CNTNAP3B: variants seen among roughly 807,000 people sequenced by gnomAD.
The protein encoded by CNTNAP3B is contactin associated protein family member 3B, also known as contactin-associated protein-like 3B.
A neutral mutation model predicts 108.9 loss-of-function variants in CNTNAP3B; 25 were observed. That is an observed-to-expected ratio of 0.23 (90% CI 0.17 to 0.32). The LOEUF (loss-of-function observed/expected upper bound fraction) is 0.32. Among genes scored for constraint, CNTNAP3B ranks in the 10% least tolerant of loss-of-function variants. The pLI is 1.00. For synonymous variants in CNTNAP3B, 103 were observed against 473.4 expected, an observed-to-expected ratio of 0.22 and a Z score of 10.16; for missense variants, 252 against 1,210.4, an observed-to-expected ratio of 0.21 and a Z score of 11.75.
chr9:41,982,178 A>T (rs1280635429), intron 9 of CNTNAP3B, among the ~76,000 whole-genome samples: 2 of 80,560 alleles, frequency 2.5e-5, no homozygotes, highest in Admixed American at 2.9e-4. Flanking sequence ...TTCATGACAA[A>T]GACACCGAAA....
chr9:41,934,970 A>T (rs1325862800), intron 14 of CNTNAP3B, among the ~76,000 whole-genome samples: 4 of 152,262 alleles, frequency 2.6e-5, no homozygotes, highest in Admixed American at 2.6e-4. Flanking sequence ...TTACAGTTAC[A>T]TGTGTCATCA....
intron 2 of CNTNAP3B, among the ~76,000 whole-genome samples, chr9:42,079,324 T>C (rs1215907546): frequency 3.7e-5 from 5 of 134,498 alleles, no homozygotes; most frequent in African/African-American, 1.5e-4. Flanking sequence ...GCCAATGGGG[T>C]TTTCTCTACT....
chr9:41,965,714 G>C (rs1195770012), intron 10 of CNTNAP3B, among the ~76,000 whole-genome samples: 1 of 152,140 alleles, frequency 6.6e-6, no homozygotes, highest in South Asian at 2.1e-4. Context: ...ATGGGACCCA[G>C]AGAAGTAACA....
chr9:41,928,537 A>AT (rs1338452993), intron 15 of CNTNAP3B, among the ~76,000 whole-genome samples: 2 of 152,206 alleles, frequency 1.3e-5, no homozygotes, highest in Non-Finnish European at 2.9e-5. Context: ...GTATTAGGGG[A>AT]TGGAGACACC....
Position 41,935,276 on chromosome 9 carries a change from A to T in CNTNAP3B, c.2237+2968T>A, listed in dbSNP as rs1259736542. Among the ~76,000 whole-genome samples the T allele has an allele frequency of 1.8e-4, 27 of 152,160 alleles. No homozygotes were observed. In the East Asian group the frequency reaches 5.2e-3, roughly 29 times the overall value. ...TATGCTTAGACGAGTTGCTGATTAC[A>T]GGGACAACTTATGGAAAAATGGCGA... is the stretch of plus-strand genomic sequence containing the variant. On this transcript the variant is annotated intron_variant, in intron 14 of 23. Transcript: ENST00000377561.
Position 42,071,402 on chromosome 9 carries a change from C to T in CNTNAP3B, c.390+5467G>A, listed in dbSNP as rs1463032705. Among the ~76,000 whole-genome samples the T allele has an allele frequency of 5.8e-5, 8 of 138,458 alleles. 2 individuals are homozygous for T. Among genetic ancestry groups the T allele is most frequent in the African/African-American group, 2.3e-4 (8 of 34,800 alleles). 90.8% of individuals were successfully genotyped at this position (138,458 alleles called of 152,430 possible). ...AGTACAAAGGATGGATCTTGCTTGACATTTTTAAAGAGCAGCTAGAAGAAC... is the reference window on the plus strand; with the variant it reads ...AGTACAAAGGATGGATCTTGCTTGATATTTTTAAAGAGCAGCTAGAAGAAC... On this transcript the variant is annotated intron_variant, in intron 3 of 23. Transcript: ENST00000377561.
At chr9:41,961,935 A>C (rs1283751788) in intron 11 of CNTNAP3B, among the ~76,000 whole-genome samples, 2 of 152,308 alleles carry the variant, frequency 1.3e-5, no homozygotes, top group African/African-American at 4.8e-5. Flanking sequence ...TGATTTAAAT[A>C]GATACATATA....
In CNTNAP3B at chr9:42,046,730, G is replaced by A. The variant is rs1244922481; in HGVS notation, c.390+30139C>T. ...CACTAAAATTCTCCCAGAGTTAAAT[G>A]TTGTTTTTCCACTCTGGAAAAGGGA... On this transcript the variant is annotated intron_variant, in intron 3 of 23. Transcript: ENST00000377561. Among the ~76,000 whole-genome samples the A allele has an allele frequency of 5.2e-5, 5 of 96,556 alleles. 2 individuals carry two copies. The highest frequency in any genetic ancestry group is 1.9e-4 in the African/African-American group (5 of 25,856). The allele number at this position is 96,556 out of a possible 152,430, so 63.3% of individuals were successfully genotyped here.
intron 10 of CNTNAP3B, among the ~76,000 whole-genome samples, chr9:41,967,779 G>T (rs1199429655): frequency 1.3e-5 from 2 of 152,372 alleles, no homozygotes; most frequent in East Asian, 3.9e-4. Flanking sequence ...AGTCTTCTAC[G>T]TTACTGACTT....
chr9:42,066,164 G>A lies in CNTNAP3B; in HGVS notation c.390+10705C>T, dbSNP rs545636198. ...AGAGGATTAACATCTTTACATTACT[G>A]AGTCTTCATATCCATAAATGAGAAT... is the stretch of plus-strand genomic sequence containing the variant. On this transcript the variant is annotated intron_variant, in intron 3 of 23. Coordinates refer to ENST00000377561, the MANE Select transcript of CNTNAP3B (RefSeq NM_001201380.3). Among the ~76,000 whole-genome samples, 203 of 136,886 alleles carry A rather than the reference G, an allele frequency of 1.5e-3. 42 individuals are homozygous for A. The highest frequency in any genetic ancestry group is 5.7e-3 in the African/African-American group (197 of 34,480). The allele number at this position is 136,886 out of a possible 152,430, so 89.8% of individuals were successfully genotyped here.
At chr9:42,044,153 A>T (rs1159276033) in intron 3 of CNTNAP3B, among the ~76,000 whole-genome samples, 3 of 122,948 alleles carry the variant, frequency 2.4e-5, no homozygotes, top group Non-Finnish European at 5.1e-5. Flanking sequence ...TTCAATCAAC[A>T]ACGGCTCCAA....
chr9:42,111,694 A>G (rs1396944543), intron 1 of CNTNAP3B, among the ~76,000 whole-genome samples: 1 of 138,572 alleles, frequency 7.2e-6, no homozygotes, highest in Non-Finnish European at 1.5e-5. Flanking sequence ...AATACTCAAT[A>G]AGTACACTGT....
At chr9:41,926,116 G>A (rs1209059890) in intron 15 of CNTNAP3B, among the ~76,000 whole-genome samples, 1 of 152,268 alleles carries the variant, frequency 6.6e-6, no homozygotes, top group African/African-American at 2.4e-5. Context: ...ATGAGTTCAT[G>A]TGGATACCTC....
In CNTNAP3B at chr9:41,894,352, T is replaced by A. The variant is rs1259100907; in HGVS notation, c.3746-242A>T. Reference sequence around the variant, plus strand: ...TATGTTGCCCAGGCTGGTCTCGAACTCCTGGGCTAAAGTGATCCTCTCACC... The same window carrying A: ...TATGTTGCCCAGGCTGGTCTCGAACACCTGGGCTAAAGTGATCCTCTCACC... On this transcript the variant is annotated intron_variant, in intron 23 of 23. Transcript: ENST00000377561. 1.4e-3 allele frequency among the ~76,000 whole-genome samples: 140 copies of A among 100,528 alleles called. 2 individuals are homozygous for A. In the South Asian group the frequency reaches 0.036, roughly 26 times the overall value. 66.0% of individuals were successfully genotyped at this position (100,528 alleles called of 152,430 possible).
chr9:42,087,277 T>G (rs557103453), intron 2 of CNTNAP3B, among the ~76,000 whole-genome samples: 2,672 of 137,462 alleles, frequency 0.019, 210 homozygotes, highest in South Asian at 0.062. Flanking sequence ...GGAGAGACAG[T>G]CCACTTTAAG....
intron 3 of CNTNAP3B, among the ~76,000 whole-genome samples, chr9:42,037,306 A>G (rs1388293121): frequency 9.3e-6 from 1 of 107,434 alleles, no homozygotes; most frequent in Non-Finnish European, 2.0e-5. Context: ...AGAAGGCTTC[A>G]GATGATCGAT....
intron 13 of CNTNAP3B, among the ~76,000 whole-genome samples, chr9:41,944,761 T>C (rs1405535099): frequency 2.6e-5 from 4 of 152,248 alleles, no homozygotes; most frequent in Admixed American, 1.3e-4. Flanking sequence ...AAGCCAAAAT[T>C]GACAAATGGG....
chr9:41,913,733 C>G (rs1207177405), intron 18 of CNTNAP3B, among the ~76,000 whole-genome samples: 1 of 131,652 alleles, frequency 7.6e-6, no homozygotes, highest in African/African-American at 3.1e-5. Context: ...ACAAATTTGT[C>G]TATTGATATC....
intron 2 of CNTNAP3B, among the ~76,000 whole-genome samples, chr9:42,086,220 A>G (rs1176814138): frequency 1.4e-5 from 2 of 142,622 alleles, no homozygotes; most frequent in East Asian, 4.2e-4. Context: ...TTGATTCTCA[A>G]CTACGAGAAC....
Sources: gnomAD v4.1 joint callset for allele counts (sites outside exome capture counted in the v4.1 genomes callset) on GRCh38, gnomAD v4.1.1 for gene constraint, MANE v1.5 for transcripts, NCBI Gene and HGNC (gene_info 2026-07-23, HGNC 2026-07-21) for gene names.